Variants in PHKA2 observed in about 807,000 individuals in gnomAD.
PHKA2 encodes phosphorylase b kinase regulatory subunit alpha, liver isoform.
A neutral mutation model predicts 102.0 loss-of-function variants in PHKA2; 31 were observed. That is an observed-to-expected ratio of 0.30 (90% confidence interval 0.23 to 0.41). The LOEUF (loss-of-function observed/expected upper bound fraction) is 0.41, where lower values mean the gene tolerates loss of function less well. PHKA2 is among the 10% of genes least tolerant of loss of function. PHKA2 has a pLI of 1.00. For missense variants in PHKA2, 858 were observed against 1,023.1 expected (o/e 0.84, Z 2.20); for synonymous variants, 455 against 416.2 (o/e 1.09, Z -1.13).
At chrX:18,961,922 G>T (rs1311025330) in intron 1 of PHKA2, among the ~76,000 whole-genome samples, 1 of 110,188 alleles carries the variant, frequency 9.1e-6, no homozygotes, top group African/African-American at 3.3e-5. Flanking sequence ...TCACAGGACG[G>T]AGGTGAAGTT....
chrX:18,924,250 G>A lies in PHKA2; in HGVS notation c.1715-116C>T, dbSNP rs372530748. On this transcript the variant is annotated intron_variant, in intron 16 of 32. Transcript: ENST00000379942. ...AATATTTCTGGCATAGAAGATTCCCGAGATAAGAAACCAAACTGCTAAGAA... is the reference window on the plus strand; with the variant it reads ...AATATTTCTGGCATAGAAGATTCCCAAGATAAGAAACCAAACTGCTAAGAA... The A allele has an allele frequency of 1.4e-4, 130 of 938,416 alleles. No individual in the cohort carries two copies. The African/African-American group carries it at 1.9e-3, about 14-fold the overall frequency. The allele number at this position is 938,416 out of a possible 1,213,427, so 77.3% of individuals were successfully genotyped here.
intron 3 of PHKA2, among the ~76,000 whole-genome samples, chrX:18,951,553 C>T (rs747934933): frequency 3.6e-5 from 4 of 110,502 alleles, no homozygotes; most frequent in South Asian, 3.9e-4. Flanking sequence ...CTGTGACACA[C>T]GGTAGATACT....
At chrX:18,899,790 G>A (rs775186529) in intron 28 of PHKA2, among the ~76,000 whole-genome samples, 1 of 112,184 alleles carries the variant, frequency 8.9e-6, no homozygotes, top group South Asian at 3.7e-4. Context: ...TCTTACAAAA[G>A]AGACTAGAGA....
rs2047463548 is a variant in PHKA2, at chrX:18,893,441, G to C, written c.*44C>G. On this transcript the variant is annotated 3_prime_UTR_variant, in exon 33 of 33. Transcript: ENST00000379942. ...AGAAGGTTCCCAGTAAGGCTAGGGG[G>C]CACGTGACAGATTGAGAGTGTGATC... 2 of 1,162,125 alleles carry C rather than the reference G, an allele frequency of 1.7e-6. No homozygotes were observed. Among genetic ancestry groups the C allele is most frequent in the Non-Finnish European group, 2.3e-6 (2 of 852,394 alleles).
chrX:18,937,216 T>C (rs1569317176), intron 10 of PHKA2, among the ~76,000 whole-genome samples: 1 of 109,488 alleles, frequency 9.1e-6, no homozygotes, highest in Non-Finnish European at 1.9e-5. Flanking sequence ...GCATCTGCGA[T>C]GTCAGTCATT....
chrX:18,950,006 C>T (rs1048759882), intron 4 of PHKA2, among the ~76,000 whole-genome samples: 2 of 112,146 alleles, frequency 1.8e-5, no homozygotes, highest in Non-Finnish European at 3.8e-5. Context: ...CCAGACATAG[C>T]CGTTAAGTGC....
At chrX:18,897,641 G>A (rs1251516168) in intron 29 of PHKA2, 13 of 328,502 alleles carry the variant, frequency 4.0e-5, no homozygotes, top group Non-Finnish European at 5.9e-5. Context: ...TCAGACTGCC[G>A]GAGTGCTAAT....
At chrX:18,931,821 G>A (rs1397032642) in intron 11 of PHKA2, 73 bp from the exon 12 acceptor site, 1 of 705,188 alleles carries the variant, frequency 1.4e-6, no homozygotes, top group Non-Finnish European at 2.3e-6. Flanking sequence ...CATGGGGAAT[G>A]CACTGAGGAT....
Position 18,924,148 on chromosome X carries a change from G to T in PHKA2, c.1715-14C>A. ...AGCCATCATTTGCTAAGGAAAAAAA[G>T]TGATGAATTAGTTTAGTCTGGGCAG... On this transcript the variant is annotated splice_polypyrimidine_tract_variant and intron_variant, in intron 16 of 32. Transcript: ENST00000379942. 8.6e-7 allele frequency: 1 copy of T among 1,166,635 alleles called. No individual in the cohort carries two copies. Among genetic ancestry groups the T allele is most frequent in the South Asian group, 1.8e-5 (1 of 55,996 alleles).
rs987599031 is a variant in PHKA2 at position 18,931,859 on chromosome X, C to T, written c.1138-111G>A. 3.2e-5 allele frequency: 19 copies of T among 594,685 alleles called. No homozygotes were observed. The African/African-American group carries it at 3.9e-4, about 12-fold the overall frequency. 49.0% of individuals were successfully genotyped at this position (594,685 alleles called of 1,213,427 possible). On this transcript the variant is annotated intron_variant, in intron 11 of 32. Coordinates refer to ENST00000379942, the MANE Select transcript of PHKA2 (RefSeq NM_000292.3). Reference sequence around the variant, plus strand: ...ATGAAATGGTACTCATCCTCCAGGCCAATTCTGTGCAGGTGCCAGGAGGCT... The same window carrying T: ...ATGAAATGGTACTCATCCTCCAGGCTAATTCTGTGCAGGTGCCAGGAGGCT...
chrX:18,897,071 G>T, intron 30 of PHKA2, 92 bp downstream of exon 30: 1 of 1,010,713 alleles, frequency 9.9e-7, no homozygotes, highest in Non-Finnish European at 1.4e-6. Context: ...CATCCTCAGG[G>T]CTGTGTGTTT....
At chrX:18,938,502 T>C in intron 10 of PHKA2, 125 bp downstream of exon 10, 1 of 690,498 alleles carries the variant, frequency 1.4e-6, no homozygotes, top group Non-Finnish European at 2.3e-6. Context: ...TTGGGAAAGT[T>C]TGCTAAGTGG....
At chrX:18,977,121 C>G (rs2049100062) in intron 1 of PHKA2, among the ~76,000 whole-genome samples, 1 of 112,340 alleles carries the variant, frequency 8.9e-6, no homozygotes, top group Non-Finnish European at 1.9e-5. Context: ...CTAACTCTTT[C>G]ATAACTTTCC....
At chrX:18,963,042 C>T (rs1463414447) in intron 1 of PHKA2, among the ~76,000 whole-genome samples, 1 of 112,804 alleles carries the variant, frequency 8.9e-6, no homozygotes, top group African/African-American at 3.2e-5. Flanking sequence ...TGAACTCTTC[C>T]GATTTCAACT....
intron 29 of PHKA2, 122 bp downstream of exon 29, chrX:18,899,051 A>C: frequency 1.7e-6 from 1 of 606,007 alleles, no homozygotes; most frequent in Non-Finnish European, 2.8e-6. Flanking sequence ...GGAGCCTGTG[A>C]GCATCCCGCT....
rs1476342957 is a variant in PHKA2 at position 18,925,698 on chromosome X, A to C, written c.1539T>G (p.Ile513Met). 3.4e-6 allele frequency: 4 copies of C among 1,188,433 alleles called. No individual in the cohort carries two copies. The South Asian group carries it at 7.1e-5, about 21-fold the overall frequency. ...GVLGTSKLYV[I>M]RNQIFTFTPQ... is the part of the protein sequence containing the mutation. Reference sequence around the variant, plus strand: ...GTGTAAAAGTAAAGATTTGGTTCCTAATCACATATAGTTTAGAGGTTCCAA... The same window carrying C: ...GTGTAAAAGTAAAGATTTGGTTCCTCATCACATATAGTTTAGAGGTTCCAA... The change falls in exon 15 of 33, where the codon ATT (isoleucine) becomes ATG (methionine). Residue 513 changes from isoleucine to methionine, a missense_variant. By Grantham distance (10) the Ile-to-Met change is conservative. Around this residue, in one of 2 missense-constraint regions of PHKA2, gnomAD observed 671 missense variants for 745.2 expected, o/e 0.90. Coordinates refer to ENST00000379942, the MANE Select transcript of PHKA2 (RefSeq NM_000292.3).
chrX:18,937,325 A>T (rs2048409358), intron 10 of PHKA2, among the ~76,000 whole-genome samples: 1 of 111,380 alleles, frequency 9.0e-6, no homozygotes, highest in African/African-American at 3.3e-5. Flanking sequence ...GAGATAGGTC[A>T]TGAACAAATG....
chrX:18,940,130 C>A, intron 8 of PHKA2, 82 bp from the exon 9 acceptor site: 1 of 637,484 alleles, frequency 1.6e-6, no homozygotes, highest in South Asian at 2.2e-5. Context: ...CCCTCTTTCC[C>A]ATGAATCTTT....
chrX:18,898,276 G>C (rs966720908), intron 29 of PHKA2: 1 of 112,888 alleles, frequency 8.9e-6, no homozygotes, highest in African/African-American at 3.2e-5. Flanking sequence ...TCAGGCTCCA[G>C]AGGGGGACAC....
Sources: allele counts gnomAD v4.1 joint callset (sites outside exome capture counted in the v4.1 genomes callset), GRCh38; gene constraint gnomAD v4.1.1; regional missense constraint gnomAD v4.1.1; transcripts MANE v1.5; gene names NCBI Gene and HGNC (gene_info 2026-07-23, HGNC 2026-07-21).